Variants in ATP1A1 observed in about 807,000 individuals in gnomAD.
The protein encoded by ATP1A1 is ATPase Na+/K+ transporting subunit alpha 1, also known as sodium/potassium-transporting ATPase subunit alpha-1.
ATP1A1 carries 14 observed loss-of-function variants against 114.8 expected under a neutral mutation model. The ratio of observed to expected loss-of-function variants is 0.12; its 90% confidence interval spans 0.08 to 0.19. The LOEUF is 0.19. Among genes scored for constraint, ATP1A1 ranks in the 10% least tolerant of loss-of-function variants. ATP1A1 has a pLI of 1.00. For missense variants in ATP1A1, 524 were observed against 1,290.7 expected, an observed-to-expected ratio of 0.41 and a Z score of 9.10; for synonymous variants, 471 against 466.3, an observed-to-expected ratio of 1.01 and a Z score of -0.13.
chr1:116,389,814 G>T lies in ATP1A1; in HGVS notation c.1023+107G>T, dbSNP rs1028906591. ...TGCCAACTTATGTTTTATTCTGGATGTTTGATATAGTTCTTCTTGAGAGCC... is the reference window on the plus strand; with the variant it reads ...TGCCAACTTATGTTTTATTCTGGATTTTTGATATAGTTCTTCTTGAGAGCC... On this transcript the variant is annotated intron_variant, in intron 8 of 22. Coordinates refer to ENST00000295598, the MANE Select transcript of ATP1A1 (RefSeq NM_000701.8). This position sits in a 1 kb window ranked among gnomAD's most constrained non-coding sequence, Gnocchi z 6.9. 6 of 1,446,096 alleles carry T rather than the reference G, an allele frequency of 4.1e-6. No individual in the cohort carries two copies. The highest frequency in any genetic ancestry group is 2.2e-5 in the Admixed American group (1 of 46,060). 89.6% of individuals were successfully genotyped at this position (1,446,096 alleles called of 1,614,324 possible).
At chr1:116,391,120 C>A (rs1202843112) in intron 10 of ATP1A1, among the ~76,000 whole-genome samples, 2 of 152,108 alleles carry the variant, frequency 1.3e-5, no homozygotes, top group Non-Finnish European at 1.5e-5. Context: ...AGGGAAGATG[C>A]AGTAAAAATC....
chr1:116,373,370 T>TC lies in ATP1A1; in HGVS notation c.-139dup. ...CATCGGCCCGAGCCGCCGGCCGCCC[T>TC]CCCACCCTCCCGCCCCGCGGCAGCC... On this transcript the variant is annotated 5_prime_UTR_variant, in exon 1 of 23. Transcript: ENST00000295598. 3 of 333,836 alleles carry TC rather than the reference T, an allele frequency of 9.0e-6. No individual in the cohort carries two copies. 20.7% of individuals were successfully genotyped at this position (333,836 alleles called of 1,614,324 possible).
Position 116,397,808 on chromosome 1 carries a change from A to G in ATP1A1, c.1974-80A>G, listed in dbSNP as rs1339248661. On this transcript the variant is annotated intron_variant, in intron 14 of 22. Coordinates refer to ENST00000295598, the MANE Select transcript of ATP1A1 (RefSeq NM_000701.8). This position sits in a 1 kb window ranked among gnomAD's most constrained non-coding sequence, Gnocchi z 4.2. ...TTTTGTTTACAAAGTGATCTGCATA[A>G]GAATATCCCCTCTTGAGGTGATGGA... 34 of 1,501,978 alleles carry G rather than the reference A, an allele frequency of 2.3e-5. No individual in the cohort carries two copies. Among genetic ancestry groups the G allele is most frequent in the African/African-American group, 4.2e-5 (3 of 71,162 alleles). The allele number at this position is 1,501,978 out of a possible 1,614,324, so 93.0% of individuals were successfully genotyped here.
chr1:116,378,356 A>T (rs547880920), intron 1 of ATP1A1, among the ~76,000 whole-genome samples: 7 of 152,302 alleles, frequency 4.6e-5, no homozygotes, highest in Non-Finnish European at 8.8e-5. Context: ...TCTGCACGTG[A>T]TCTCTTTCCA....
rs1652609529 is a variant in ATP1A1, at chr1:116,393,171, C to T, written c.1467+183C>T. The T allele has an allele frequency of 1.0e-6, 1 of 961,522 alleles. No homozygotes were observed. The highest frequency in any genetic ancestry group is 2.7e-5 in the East Asian group (1 of 37,438). The allele number at this position is 961,522 out of a possible 1,614,324, so 59.6% of individuals were successfully genotyped here. A position where few individuals can be genotyped will look rare whatever the true frequency, so the allele number is the denominator to read the frequency against. On this transcript the variant is annotated intron_variant, in intron 11 of 22. Transcript: ENST00000295598. The surrounding 1 kb of genome is among the most constrained non-coding windows in gnomAD (Gnocchi z 5.0). ...AATATCAGCAGGATAAATGAAGCCT[C>T]TTGCAAAACACTGTTGAGCCCTTTT...
intron 1 of ATP1A1, among the ~76,000 whole-genome samples, chr1:116,375,850 C>T (rs1218063273): frequency 6.6e-6 from 1 of 152,146 alleles, no homozygotes; most frequent in East Asian, 1.9e-4. Context: ...AAATTTCTTC[C>T]CCTCCTCTCC....
At chr1:116,378,330 G>C (rs850602) in intron 1 of ATP1A1, among the ~76,000 whole-genome samples, 122,836 of 152,242 alleles carry the variant, frequency 0.81, 50,392 homozygotes, top group African/African-American at 0.95. Flanking sequence ...TCCTTTGTGA[G>C]TTATGATGAA....
rs1457485579 is a variant in ATP1A1, at chr1:116,399,960, T to A, written c.2572+417T>A. Among the ~76,000 whole-genome samples the A allele has an allele frequency of 6.6e-6, 1 of 152,238 alleles. No homozygotes were observed. The highest frequency in any genetic ancestry group is 1.5e-5 in the Non-Finnish European group (1 of 68,034). On this transcript the variant is annotated intron_variant, in intron 18 of 22. Transcript: ENST00000295598. The surrounding 1 kb of genome is among the most constrained non-coding windows in gnomAD (Gnocchi z 5.0). ...AGGCATTGGAGAAAGTATATGTGTT[T>A]GAGAGTTTGGCTGGTAGGTCACCAC... is the stretch of plus-strand genomic sequence containing the variant.
chr1:116,380,175 A>T (rs907742235), intron 1 of ATP1A1, among the ~76,000 whole-genome samples: 1 of 152,248 alleles, frequency 6.6e-6, no homozygotes, highest in African/African-American at 2.4e-5. Flanking sequence ...CATTTTAGGA[A>T]TGAAGAAACT....
intron 18 of ATP1A1, among the ~76,000 whole-genome samples, 160 bp from the exon 19 acceptor site, chr1:116,400,701 G>T (rs1653392086): frequency 6.6e-6 from 1 of 152,110 alleles, no homozygotes; most frequent in African/African-American, 2.4e-5. Context: ...ATCCCTCATA[G>T]CCTGTGAGTG....
chr1:116,399,511 A>T lies in ATP1A1; in HGVS notation c.2540A>T (p.Glu847Val). ...CCCAAAACAGACAAACTTGTGAATGAGCGGCTGATCAGCATGGCCTATGGG... is the reference window on the plus strand; with the variant it reads ...CCCAAAACAGACAAACTTGTGAATGTGCGGCTGATCAGCATGGCCTATGGG... ...RNPKTDKLVNERLISMAYGQI... is the reference protein window; with the variant it reads ...RNPKTDKLVNVRLISMAYGQI... Residue 847 changes from glutamate to valine, a missense_variant, in exon 18 of 23, where the codon GAG becomes GTG. Physicochemically the swap from Glu to Val is moderately radical, Grantham distance 121. This residue lies in a region of ATP1A1 where 36 missense variants were observed against 199.6 expected (regional missense o/e 0.18). Transcript: ENST00000295598. The surrounding 1 kb of genome is among the most constrained non-coding windows in gnomAD (Gnocchi z 5.0). 6.2e-7 allele frequency: 1 copy of T among 1,614,192 alleles called. No individual in the cohort carries two copies.
In ATP1A1 at chr1:116,389,169, G is replaced by C; in HGVS notation, c.754+150G>C. 2.2e-6 allele frequency: 2 copies of C among 928,830 alleles called. No homozygotes were observed. Among genetic ancestry groups the C allele is most frequent in the Non-Finnish European group, 3.3e-6 (2 of 602,748 alleles). 57.5% of individuals were successfully genotyped at this position (928,830 alleles called of 1,614,324 possible). ...AGCAGAGGTGTTTTCCTAGCTGGCAGGAAACCTTGTGGCAGTTTCCCTTCC... is the reference window on the plus strand; with the variant it reads ...AGCAGAGGTGTTTTCCTAGCTGGCACGAAACCTTGTGGCAGTTTCCCTTCC... On this transcript the variant is annotated intron_variant, in intron 7 of 22. Coordinates refer to ENST00000295598, the MANE Select transcript of ATP1A1 (RefSeq NM_000701.8). This position sits in a 1 kb window ranked among gnomAD's most constrained non-coding sequence, Gnocchi z 6.9.
At chr1:116,391,010 G>GTGTTCTAC in intron 10 of ATP1A1, 119 bp downstream of exon 10, 1 of 848,006 alleles carries the variant, frequency 1.2e-6, no homozygotes, top group Non-Finnish European at 1.9e-6. Flanking sequence ...AGAACACCTG[G>GTGTTCTAC]AGTGGTCTGT....
Position 116,392,836 on chromosome 1 carries a change from T to C in ATP1A1, c.1333-18T>C. 1 of 1,592,470 alleles carries C rather than the reference T, an allele frequency of 6.3e-7. No individual in the cohort carries two copies. Among genetic ancestry groups the C allele is most frequent in the East Asian group, 2.3e-5 (1 of 44,200 alleles). On this transcript the variant is annotated intron_variant, in intron 10 of 22. Coordinates refer to ENST00000295598, the MANE Select transcript of ATP1A1 (RefSeq NM_000701.8). Reference sequence around the variant, plus strand: ...AAATTTTTTGGAGATAATTTACAGATGATGTCTCTGTTCACAGCGGGCAGT... The same window carrying C: ...AAATTTTTTGGAGATAATTTACAGACGATGTCTCTGTTCACAGCGGGCAGT...
At position 116,397,876 on chromosome 1, in the gene ATP1A1, T is replaced by C; in HGVS notation, c.1974-12T>C. 1 of 1,585,120 alleles carries C rather than the reference T, an allele frequency of 6.3e-7. No homozygotes were observed. ...ATGCGTGACTTTTTTTTTTTTTTTG[T>C]CCTAATTCTAGGGATGCCAAGGCCT... On this transcript the variant is annotated splice_polypyrimidine_tract_variant and intron_variant, in intron 14 of 22. Transcript: ENST00000295598. The surrounding 1 kb of genome is among the most constrained non-coding windows in gnomAD (Gnocchi z 4.2).
intron 1 of ATP1A1, among the ~76,000 whole-genome samples, chr1:116,377,685 T>C (rs561279949): frequency 6.6e-6 from 1 of 152,342 alleles, no homozygotes; most frequent in South Asian, 2.1e-4. Context: ...GCCTGAACAT[T>C]TGTGCTGTGC....
At chr1:116,400,187 G>T (rs760614920) in intron 18 of ATP1A1, among the ~76,000 whole-genome samples, 1 of 152,226 alleles carries the variant, frequency 6.6e-6, no homozygotes, top group African/African-American at 2.4e-5. Flanking sequence ...AACTGTGAAC[G>T]CTTGGATAAA....
chr1:116,388,189 A>T lies in ATP1A1; in HGVS notation c.446A>T (p.Tyr149Phe). ...VVIITGCFSYYQEAKSSKIME... is the reference protein window; with the variant it reads ...VVIITGCFSYFQEAKSSKIME... ...ATCATAACTGGTTGCTTCTCCTACTATCAAGAAGCTAAAAGTTCAAAGATC... is the reference window on the plus strand; with the variant it reads ...ATCATAACTGGTTGCTTCTCCTACTTTCAAGAAGCTAAAAGTTCAAAGATC... The change falls in exon 5 of 23, where the codon TAT (tyrosine) becomes TTT (phenylalanine). Residue 149 changes from tyrosine (Y) to phenylalanine (F), a missense_variant. By Grantham distance (22) the Tyr-to-Phe change is conservative. Around this residue, in one of 8 missense-constraint regions of ATP1A1, gnomAD observed 141 missense variants for 316.6 expected, o/e 0.45. Coordinates refer to ENST00000295598, the MANE Select transcript of ATP1A1 (RefSeq NM_000701.8). The surrounding 1 kb of genome is among the most constrained non-coding windows in gnomAD (Gnocchi z 5.6). The T allele has an allele frequency of 6.2e-7, 1 of 1,614,126 alleles. No homozygotes were observed. Among genetic ancestry groups the T allele is most frequent in the South Asian group, 1.1e-5 (1 of 91,072 alleles).
rs1653736414 is a variant in ATP1A1, at chr1:116,403,774, C to T, written c.2952-110C>T. 17 of 935,466 alleles carry T rather than the reference C, an allele frequency of 1.8e-5. No individual in the cohort carries two copies. In the South Asian group the frequency reaches 2.5e-4, roughly 14 times the overall value. The allele number at this position is 935,466 out of a possible 1,614,324, so 57.9% of individuals were successfully genotyped here. A position where few individuals can be genotyped will look rare whatever the true frequency, so the allele number is the denominator to read the frequency against. On this transcript the variant is annotated intron_variant, in intron 21 of 22. Transcript: ENST00000295598. ...AGTAGTTAACTGTGACTGTACTTGG[C>T]TTCTCCTTTCAGGCTGATTATTTCA...
Sources: allele counts gnomAD v4.1 joint callset (sites outside exome capture counted in the v4.1 genomes callset), GRCh38; gene constraint gnomAD v4.1.1; regional missense constraint gnomAD v4.1.1; non-coding constraint Gnocchi (gnomAD v3.1); transcripts MANE v1.5; gene names NCBI Gene and HGNC (gene_info 2026-07-23, HGNC 2026-07-21).